DYNC1H1: variants seen among roughly 807,000 people sequenced by gnomAD.
DYNC1H1 encodes the protein cytoplasmic dynein 1 heavy chain 1.
Under a neutral mutation model 527.1 loss-of-function variants are expected in DYNC1H1, and 51 were observed. The observed-to-expected ratio is 0.10, with a 90% CI of 0.08 to 0.12. The LOEUF (loss-of-function observed/expected upper bound fraction) is 0.12. DYNC1H1 is among the 10% of genes least tolerant of loss of function. The pLI, the probability that DYNC1H1 is intolerant of heterozygous loss-of-function variation, is 1.00. For missense variants in DYNC1H1, 2,771 were observed against 5,971.8 expected (o/e 0.46, Z 17.66); for synonymous variants, 2,189 against 2,278.8 (o/e 0.96, Z 1.12).
intron 1 of DYNC1H1, among the ~76,000 whole-genome samples, chr14:101,967,375 T>G (rs927635122): frequency 6.6e-6 from 1 of 152,258 alleles, no homozygotes; most frequent in African/African-American, 2.4e-5. Flanking sequence ...GTCATGTAAT[T>G]TAATGAACAG....
chr14:102,012,158 G>T lies in DYNC1H1; in HGVS notation c.6857+45G>T. 1 of 1,611,948 alleles carries T rather than the reference G, an allele frequency of 6.2e-7. No homozygotes were observed. The highest frequency in any genetic ancestry group is 1.1e-5 in the South Asian group (1 of 91,002). The stretch of plus-strand genomic sequence containing the variant: ...TGTTTGTGTTCTCCTGGATATGGGC[G>T]CTAAGTACTTTGCTCTCACAAGAGC... On this transcript the variant is annotated intron_variant, in intron 33 of 77. Coordinates refer to ENST00000360184, the MANE Select transcript of DYNC1H1 (RefSeq NM_001376.5). This position sits in a 1 kb window ranked among gnomAD's most constrained non-coding sequence, Gnocchi z 4.9.
Position 102,038,319 on chromosome 14 carries a change from CAT to C in DYNC1H1, c.10909-139_10909-138del, listed in dbSNP as rs1394296737. 7.4e-7 allele frequency: 1 copy of C among 1,355,022 alleles called. No individual in the cohort carries two copies. The highest frequency in any genetic ancestry group is 1.0e-6 in the Non-Finnish European group (1 of 978,318). The allele number at this position is 1,355,022 out of a possible 1,614,324, so 83.9% of individuals were successfully genotyped here. On this transcript the variant is annotated intron_variant, in intron 57 of 77. Coordinates refer to ENST00000360184, the MANE Select transcript of DYNC1H1 (RefSeq NM_001376.5). The surrounding 1 kb of genome is among the most constrained non-coding windows in gnomAD (Gnocchi z 7.2). The stretch of plus-strand genomic sequence containing the variant: ...GTTCATTTAAATGTAAGTAGCCACA[CAT>C]AGCTAGTGGCCACCACACGCAAGTG...
chr14:102,045,601 A>C (rs1289542215), intron 72 of DYNC1H1, among the ~76,000 whole-genome samples: 1 of 152,078 alleles, frequency 6.6e-6, no homozygotes, highest in Admixed American at 6.5e-5. Context: ...ACAGAACAAG[A>C]TTCTGTCTCA....
Position 102,042,923 on chromosome 14 carries a change from ACACTGGTAATCCTAG to A in DYNC1H1, c.12513+180_12513+194del. ...CTTCCATGGCCGGGCACCGTGGCTC[ACACTGGTAATCCTAG>A]CACTTTGGAAGGTCGAGGTGGGAGG... is the stretch of plus-strand genomic sequence containing the variant. On this transcript the variant is annotated intron_variant, in intron 69 of 77. Transcript: ENST00000360184. This position sits in a 1 kb window ranked among gnomAD's most constrained non-coding sequence, Gnocchi z 5.7. The A allele has an allele frequency of 1.4e-6, 1 of 735,192 alleles. No homozygotes were observed. Among genetic ancestry groups the A allele is most frequent in the African/African-American group, 1.7e-5 (1 of 57,852 alleles). The allele number at this position is 735,192 out of a possible 1,614,324, so 45.5% of individuals were successfully genotyped here. A position where few individuals can be genotyped will look rare whatever the true frequency, so the allele number is the denominator to read the frequency against.
At position 102,016,014 on chromosome 14, in the gene DYNC1H1, C is replaced by T. The variant is rs769628822; in HGVS notation, c.7401C>T (p.Arg2467=). The part of the protein sequence containing the change: ...SLFSMLHQAC[R]NVAQYNANHP... ...TCTCCATGCTGCACCAGGCCTGCCG[C>T]AACGTGGCGCAGTATAACGCCAACC... Residue 2467 remains arginine (R), a synonymous_variant, in exon 36 of 78, where the codon CGC becomes CGT. Coordinates refer to ENST00000360184, the MANE Select transcript of DYNC1H1 (RefSeq NM_001376.5). This position sits in a 1 kb window ranked among gnomAD's most constrained non-coding sequence, Gnocchi z 7.3. 5.0e-6 allele frequency: 8 copies of T among 1,613,676 alleles called. No individual in the cohort carries two copies. In the Admixed American group the frequency reaches 1.0e-4, roughly 20 times the overall value.
chr14:102,044,595 G>A lies in DYNC1H1; in HGVS notation c.12903G>A (p.Arg4301=), dbSNP rs775263568. The A allele has an allele frequency of 1.2e-6, 2 of 1,614,070 alleles. No homozygotes were observed. The highest frequency in any genetic ancestry group is 2.7e-5 in the African/African-American group (2 of 74,946). The part of the protein sequence containing the change: ...HKDIQMPDGI[R]REEFVQWVEL... ...ATTTCCAAATGCACTGGTTTTCTAG[G>A]CGAGAGGAGTTTGTGCAGTGGGTGG... is the stretch of plus-strand genomic sequence containing the variant. The change falls in exon 72 of 78, where the codon AGG becomes AGA. Residue 4301 remains arginine (R), a splice_region_variant and synonymous_variant. Coordinates refer to ENST00000360184, the MANE Select transcript of DYNC1H1 (RefSeq NM_001376.5). The surrounding 1 kb of genome is among the most constrained non-coding windows in gnomAD (Gnocchi z 7.1).
At chr14:101,984,551 T>A (rs1595600085) in intron 7 of DYNC1H1, among the ~76,000 whole-genome samples, 1 of 136,828 alleles carries the variant, frequency 7.3e-6, no homozygotes, top group Non-Finnish European at 1.5e-5. Context: ...GCCTCTGGGG[T>A]TCAAGCAATT....
Position 102,033,310 on chromosome 14 carries a change from C to G in DYNC1H1, c.10239C>G (p.Arg3413=). 6.2e-7 allele frequency: 1 copy of G among 1,614,184 alleles called. No individual in the cohort carries two copies. The highest frequency in any genetic ancestry group is 8.5e-7 in the Non-Finnish European group (1 of 1,180,040). ...TGTTAAAGAGAGTGGAGCCCCTACG[C>G]AATGAGCTGCAGAAGCTGGAAGATG... ...ADMLKRVEPL[R]NELQKLEDDA... is the part of the protein sequence containing the mutation. The change falls in exon 54 of 78, where the codon CGC becomes CGG. Residue 3413 remains arginine, a synonymous_variant. Transcript: ENST00000360184. The surrounding 1 kb of genome is among the most constrained non-coding windows in gnomAD (Gnocchi z 5.6).
In DYNC1H1 at chr14:102,036,403, GTC is replaced by G. The variant is rs2048575734; in HGVS notation, c.10755-81_10755-80del. On this transcript the variant is annotated intron_variant, in intron 56 of 77. Transcript: ENST00000360184. The surrounding 1 kb of genome is among the most constrained non-coding windows in gnomAD (Gnocchi z 5.6). ...TGGTGGTAACAGCCTATCAATCAGGGTCTCTCATCAGGGACTCGGCTAACCGT... is the reference window on the plus strand; with the variant it reads ...TGGTGGTAACAGCCTATCAATCAGGGTCTCATCAGGGACTCGGCTAACCGT... The G allele has an allele frequency of 6.4e-7, 1 of 1,574,176 alleles. No homozygotes were observed. The highest frequency in any genetic ancestry group is 1.7e-5 in the Admixed American group (1 of 59,818).
intron 52 of DYNC1H1, 98 bp downstream of exon 52, chr14:102,032,565 G>C (rs2048521554): frequency 3.4e-6 from 5 of 1,486,548 alleles, no homozygotes; most frequent in African/African-American, 2.8e-5. Context: ...ACTTTCGGCT[G>C]TTCAGGCCAG....
chr14:101,988,576 A>C (rs1254124082), intron 9 of DYNC1H1, 127 bp from the exon 10 acceptor site: 1 of 1,193,096 alleles, frequency 8.4e-7, no homozygotes, highest in Non-Finnish European at 1.2e-6. Context: ...CTGAGAAGAG[A>C]GATATGAAGG....
chr14:102,017,153 C>G lies in DYNC1H1; in HGVS notation c.7914C>G (p.Tyr2638Ter). The change falls in exon 39 of 78, where the codon TAC becomes TAG. Residue 2638 changes from tyrosine to a stop codon, truncating the protein, a stop_gained. Coordinates refer to ENST00000360184, the MANE Select transcript of DYNC1H1 (RefSeq NM_001376.5). LOFTEE classifies it high-confidence loss of function. This position sits in a 1 kb window ranked among gnomAD's most constrained non-coding sequence, Gnocchi z 4.6. ...PELLLKTFDH[Y>*]CEYRRTPNGV... ...TGCTTCTGAAGACTTTTGATCACTA[C>G]TGCGAGTACAGGCGCACACCTAATG... 6.2e-7 allele frequency: 1 copy of G among 1,614,242 alleles called. No individual in the cohort carries two copies. The highest frequency in any genetic ancestry group is 8.5e-7 in the Non-Finnish European group (1 of 1,180,056).
chr14:102,003,889 GC>G (rs2048162515), intron 23 of DYNC1H1, among the ~76,000 whole-genome samples: 1 of 151,790 alleles, frequency 6.6e-6, no homozygotes, highest in Admixed American at 6.6e-5. Context: ...TTGCGCCGCT[GC>G]ACTCCAGCTG....
intron 77 of DYNC1H1, 102 bp downstream of exon 77, chr14:102,050,300 A>G: frequency 1.2e-6 from 2 of 1,611,044 alleles, no homozygotes; most frequent in Non-Finnish European, 1.7e-6. Context: ...TGGAACGGGA[A>G]ATGAGGTTCA....
At position 102,011,687 on chromosome 14, in the gene DYNC1H1, G is replaced by A. The variant is rs551665856; in HGVS notation, c.6619-188G>A. The A allele has an allele frequency of 6.4e-6, 4 of 622,726 alleles. No individual in the cohort carries two copies. The highest frequency in any genetic ancestry group is 3.8e-5 in the South Asian group (2 of 53,112). The allele number at this position is 622,726 out of a possible 1,614,324, so 38.6% of individuals were successfully genotyped here. On this transcript the variant is annotated intron_variant, in intron 32 of 77. Transcript: ENST00000360184. The surrounding 1 kb of genome is among the most constrained non-coding windows in gnomAD (Gnocchi z 5.3). Reference sequence around the variant, plus strand: ...GAATCACTTGAACCTGGGAGGTGGAGCTTGCGGTGAGCTGAGATCGTGCCA... The same window carrying A: ...GAATCACTTGAACCTGGGAGGTGGAACTTGCGGTGAGCTGAGATCGTGCCA...
In DYNC1H1 at chr14:101,979,599, G is replaced by T; in HGVS notation, c.518+107G>T. On this transcript the variant is annotated intron_variant, in intron 3 of 77. Transcript: ENST00000360184. This position sits in a 1 kb window ranked among gnomAD's most constrained non-coding sequence, Gnocchi z 4.6. ...GAGGGTAACGCTAGTGAGCCGAGGG[G>T]ATATAAACCCTGTGTATTAATAAAT... 2 of 1,605,098 alleles carry T rather than the reference G, an allele frequency of 1.2e-6. No homozygotes were observed. The highest frequency in any genetic ancestry group is 2.2e-5 in the South Asian group (2 of 90,368).
rs569386144 is a variant in DYNC1H1, at chr14:101,984,655, G to A, written c.1462-1032G>A. Among the ~76,000 whole-genome samples the A allele has an allele frequency of 5.3e-5, 8 of 150,488 alleles. No individual in the cohort carries two copies. In the South Asian group the frequency reaches 6.3e-4, roughly 12 times the overall value. ...TAGTAGAAATAGGGATTCACCGGCC[G>A]GGCGCGGTGGCTCACGCCTGTAATC... On this transcript the variant is annotated intron_variant, in intron 7 of 77. Coordinates refer to ENST00000360184, the MANE Select transcript of DYNC1H1 (RefSeq NM_001376.5).
rs538231796 is a variant in DYNC1H1, at chr14:101,969,873, A to G, written c.256+4926A>G. On this transcript the variant is annotated intron_variant, in intron 1 of 77. Transcript: ENST00000360184. ...TTGCGTGTCAGCATCGGAGCATGTC[A>G]GATTGGGAGCAGCAAGAGAGATTTA... Among the ~76,000 whole-genome samples the G allele has an allele frequency of 2.0e-5, 3 of 152,368 alleles. No individual in the cohort carries two copies. In the South Asian group the frequency reaches 6.2e-4, roughly 32 times the overall value.
rs1048727209 is a variant in DYNC1H1, at chr14:101,983,762, C to T, written c.1461+153C>T. 4.0e-5 allele frequency among the ~76,000 whole-genome samples: 6 copies of T among 151,454 alleles called. No individual in the cohort carries two copies. Among genetic ancestry groups the T allele is most frequent in the Admixed American group, 1.3e-4 (2 of 15,192 alleles). ...GCATGATCTTGGCTCACTGCAACCTCCGCCTTCTGGGTTCAAGCGATTCTC... is the reference window on the plus strand; with the variant it reads ...GCATGATCTTGGCTCACTGCAACCTTCGCCTTCTGGGTTCAAGCGATTCTC... On this transcript the variant is annotated intron_variant, in intron 7 of 77. Coordinates refer to ENST00000360184, the MANE Select transcript of DYNC1H1 (RefSeq NM_001376.5). This position sits in a 1 kb window ranked among gnomAD's most constrained non-coding sequence, Gnocchi z 5.3.
Sources: gnomAD v4.1 joint callset for allele counts (sites outside exome capture counted in the v4.1 genomes callset) on GRCh38, gnomAD v4.1.1 for gene constraint, Gnocchi (gnomAD v3.1) non-coding constraint, MANE v1.5 for transcripts, NCBI Gene and HGNC (gene_info 2026-07-23, HGNC 2026-07-21) for gene names.